ARGLU1: variants seen among roughly 807,000 people sequenced by gnomAD.
The protein encoded by ARGLU1 is arginine and glutamate-rich protein 1.
Under a neutral mutation model 37.6 loss-of-function variants are expected in ARGLU1, and 9 were observed. The observed-to-expected ratio is 0.24, with a 90% CI of 0.14 to 0.42. The LOEUF is 0.42. Among genes scored for constraint, ARGLU1 ranks in the 10% least tolerant of loss-of-function variants. The pLI is 1.00. For missense variants in ARGLU1, 211 were observed against 359.2 expected, an observed-to-expected ratio of 0.59 and a Z score of 3.34; for synonymous variants, 166 against 138.5, an observed-to-expected ratio of 1.20 and a Z score of -1.39.
intron 3 of ARGLU1, among the ~76,000 whole-genome samples, chr13:106,549,027 A>C (rs974277338): frequency 2.6e-5 from 4 of 152,344 alleles, no homozygotes; most frequent in Admixed American, 2.0e-4. Context: ...CTGGGATTAC[A>C]GGCGTGAGCC....
intron 1 of ARGLU1, among the ~76,000 whole-genome samples, chr13:106,565,592 GA>G (rs1186454066): frequency 6.6e-6 from 1 of 152,190 alleles, no homozygotes; most frequent in African/African-American, 2.4e-5. Flanking sequence ...TCAGTTAAAT[GA>G]ATAAAATAAC....
chr13:106,567,491 G>C lies in ARGLU1; in HGVS notation c.347+82C>G, dbSNP rs1461534957. On this transcript the variant is annotated intron_variant, in intron 1 of 3. Transcript: ENST00000400198. The surrounding 1 kb of genome is among the most constrained non-coding windows in gnomAD (Gnocchi z 4.3). ...ACCGTCCCCGCCATTCTCCCGGCCC[G>C]CACCGTCCCGCCCCGGCCCCACGCC... 3.1e-5 allele frequency: 31 copies of C among 1,016,384 alleles called. No individual in the cohort carries two copies. In the African/African-American group the frequency reaches 4.8e-4, roughly 16 times the overall value. The allele number at this position is 1,016,384 out of a possible 1,614,324, so 63.0% of individuals were successfully genotyped here. A position where few individuals can be genotyped will look rare whatever the true frequency, so the allele number is the denominator to read the frequency against.
intron 2 of ARGLU1, chr13:106,558,666 AC>A: frequency 1.0e-6 from 1 of 985,466 alleles, no homozygotes; most frequent in Non-Finnish European, 1.2e-6. Context: ...TCACAGAAAG[AC>A]ATTTTCAACT....
At chr13:106,558,753 T>C in intron 2 of ARGLU1, 6 of 985,204 alleles carry the variant, frequency 6.1e-6, no homozygotes, top group Non-Finnish European at 7.2e-6. Flanking sequence ...CCTTCATAAC[T>C]CTCTAGAGAA....
chr13:106,555,467 C>T (rs1022001230), intron 3 of ARGLU1, among the ~76,000 whole-genome samples: 2 of 152,180 alleles, frequency 1.3e-5, no homozygotes, highest in Non-Finnish European at 2.9e-5. Flanking sequence ...TTATAATCTA[C>T]AAACTAATCA....
chr13:106,555,090 G>C (rs2138970011), intron 3 of ARGLU1, among the ~76,000 whole-genome samples: 1 of 151,750 alleles, frequency 6.6e-6, no homozygotes, highest in Middle Eastern at 3.4e-3. Flanking sequence ...AGGAGCGGTG[G>C]CTCACACCTG....
intron 2 of ARGLU1, chr13:106,558,311 T>C: frequency 1.0e-6 from 1 of 985,094 alleles, no homozygotes; most frequent in South Asian, 4.7e-5. Context: ...TATAAGCATG[T>C]ATATCTAGTT....
At chr13:106,563,737 T>C (rs1249562033) in intron 1 of ARGLU1, among the ~76,000 whole-genome samples, 1 of 152,204 alleles carries the variant, frequency 6.6e-6, no homozygotes, top group Non-Finnish European at 1.5e-5. Context: ...AATATGCGGT[T>C]CCATATAATC....
Position 106,557,657 on chromosome 13 carries a change from T to G in ARGLU1, c.574-526A>C. 1 of 1,570,818 alleles carries G rather than the reference T, an allele frequency of 6.4e-7. No homozygotes were observed. Among genetic ancestry groups the G allele is most frequent in the Non-Finnish European group, 8.6e-7 (1 of 1,157,092 alleles). ...TACTGTTAGCTTGGCAATACCTGCA[T>G]CAGCAGCTCAACCATTTATAAAGAA... On this transcript the variant is annotated intron_variant, in intron 2 of 3. Transcript: ENST00000400198. This position sits in a 1 kb window ranked among gnomAD's most constrained non-coding sequence, Gnocchi z 5.0.
rs754864050 is a variant in ARGLU1 at position 106,557,840 on chromosome 13, G to A, written c.574-709C>T. On this transcript the variant is annotated intron_variant, in intron 2 of 3. Transcript: ENST00000400198. This position sits in a 1 kb window ranked among gnomAD's most constrained non-coding sequence, Gnocchi z 5.0. ...GGTAATCCATACTTCATGGAACTAC[G>A]GGCTTCTTCCATGGGGAAAATGGAC... 9.0e-6 allele frequency: 11 copies of A among 1,224,656 alleles called. No individual in the cohort carries two copies. The highest frequency in any genetic ancestry group is 1.0e-5 in the Non-Finnish European group (10 of 981,102). 75.9% of individuals were successfully genotyped at this position (1,224,656 alleles called of 1,614,324 possible). A position where few individuals can be genotyped will look rare whatever the true frequency, so the allele number is the denominator to read the frequency against.
intron 3 of ARGLU1, among the ~76,000 whole-genome samples, chr13:106,554,952 A>T (rs1203884299): frequency 6.6e-6 from 1 of 152,174 alleles, no homozygotes; most frequent in Non-Finnish European, 1.5e-5. Context: ...TGAACACTAT[A>T]AGCAAACATG....
chr13:106,551,023 T>A (rs551245477), intron 3 of ARGLU1, among the ~76,000 whole-genome samples: 87 of 152,336 alleles, frequency 5.7e-4, no homozygotes, highest in African/African-American at 1.9e-3. Context: ...TCCTGGATAA[T>A]CTCATCTATT....
chr13:106,553,413 T>A lies in ARGLU1; in HGVS notation c.657+3635A>T, dbSNP rs542214553. ...TTCTATTTTAAATAATTTGAGAGTA[T>A]CTTTGTACATAAATTCATTTGTAAA... On this transcript the variant is annotated intron_variant, in intron 3 of 3. Coordinates refer to ENST00000400198, the MANE Select transcript of ARGLU1 (RefSeq NM_018011.4). Among the ~76,000 whole-genome samples, 140 of 152,332 alleles carry A rather than the reference T, an allele frequency of 9.2e-4. 1 individual carries two copies. Among genetic ancestry groups the A allele is most frequent in the African/African-American group, 3.2e-3 (132 of 41,586 alleles).
At chr13:106,544,946 C>CA (rs1426308309) in intron 3 of ARGLU1, among the ~76,000 whole-genome samples, 3 of 152,214 alleles carry the variant, frequency 2.0e-5, no homozygotes, top group Non-Finnish European at 4.4e-5. Flanking sequence ...CCTTCCATGT[C>CA]AAGCAACTTC....
intron 3 of ARGLU1, among the ~76,000 whole-genome samples, chr13:106,552,216 G>A (rs181629940): frequency 2.0e-5 from 3 of 152,272 alleles, no homozygotes; most frequent in Admixed American, 6.5e-5. Flanking sequence ...AAACTGGTGA[G>A]ATACAAAGTG....
chr13:106,546,906 TC>T (rs1880404901), intron 3 of ARGLU1, among the ~76,000 whole-genome samples: 1 of 152,112 alleles, frequency 6.6e-6, no homozygotes, highest in Non-Finnish European at 1.5e-5. Context: ...CCCCCAAAGG[TC>T]GCTGTTAGAA....
In ARGLU1 at chr13:106,559,541, C is replaced by T. The variant is rs372308355; in HGVS notation, c.464G>A (p.Arg155Gln). The change falls in exon 2 of 4, where the codon CGA becomes CAA. Residue 155 changes from arginine (R) to glutamine (Q), a missense_variant. Transcript: ENST00000400198. ...ELEKRKDEIEREVLRRVEEAK... is the reference protein window; with the variant it reads ...ELEKRKDEIEQEVLRRVEEAK... ...TTCCTCCACCCTTCGGAGAACTTCT[C>T]GTTCAATTTCATCCTTCCTTTTCTC... 40 of 1,614,032 alleles carry T rather than the reference C, an allele frequency of 2.5e-5. No individual in the cohort carries two copies. Among genetic ancestry groups the T allele is most frequent in the Admixed American group, 3.3e-5 (2 of 59,996 alleles).
chr13:106,554,283 C>G (rs1880606945), intron 3 of ARGLU1, among the ~76,000 whole-genome samples: 1 of 152,106 alleles, frequency 6.6e-6, no homozygotes, highest in African/African-American at 2.4e-5. Context: ...TTTTAGCAAA[C>G]AGTTACCTTT....
chr13:106,567,549 G>C lies in ARGLU1; in HGVS notation c.347+24C>G. 6.5e-7 allele frequency: 1 copy of C among 1,532,506 alleles called. No individual in the cohort carries two copies. The highest frequency in any genetic ancestry group is 1.7e-5 in the Admixed American group (1 of 59,828). The allele number at this position is 1,532,506 out of a possible 1,614,324, so 94.9% of individuals were successfully genotyped here. On this transcript the variant is annotated intron_variant, in intron 1 of 3. Coordinates refer to ENST00000400198, the MANE Select transcript of ARGLU1 (RefSeq NM_018011.4). This position sits in a 1 kb window ranked among gnomAD's most constrained non-coding sequence, Gnocchi z 4.3. ...CGCGCCCTGCTCTCCGCACGCCCCG[G>C]TCCCTCCCCGCGCGGGCACTCACAT...
Sources: allele counts gnomAD v4.1 joint callset (sites outside exome capture counted in the v4.1 genomes callset), GRCh38; gene constraint gnomAD v4.1.1; non-coding constraint Gnocchi (gnomAD v3.1); transcripts MANE v1.5; gene names NCBI Gene and HGNC (gene_info 2026-07-23, HGNC 2026-07-21).